DDX4: variants seen among roughly 807,000 people sequenced by gnomAD.
The protein encoded by DDX4 is DEAD-box helicase 4.
Under a neutral mutation model 100.0 loss-of-function variants are expected in DDX4, and 25 were observed. The observed-to-expected ratio is 0.25, with a 90% confidence interval of 0.18 to 0.35. The LOEUF (loss-of-function observed/expected upper bound fraction) is 0.35. Among genes scored for constraint, DDX4 ranks in the 10% least tolerant of loss-of-function variants. The pLI, the probability that DDX4 is intolerant of heterozygous loss-of-function variation, is 1.00. For synonymous variants in DDX4, 259 were observed against 275.7 expected (o/e 0.94, Z 0.60); for missense variants, 635 against 882.4 (o/e 0.72, Z 3.55).
intron 18 of DDX4, among the ~76,000 whole-genome samples, chr5:55,807,772 A>G (rs1743836800): frequency 6.6e-6 from 1 of 151,994 alleles, no homozygotes; most frequent in African/African-American, 2.4e-5. Context: ...CCTTCATTTC[A>G]ACTTTGGTGA....
Position 55,741,400 on chromosome 5 carries a change from G to A in DDX4, c.69+2368G>A, listed in dbSNP as rs7735673. Among the ~76,000 whole-genome samples the A allele has an allele frequency of 8.1e-3, 1,235 of 152,276 alleles. 23 individuals are homozygous for A. Among genetic ancestry groups the A allele is most frequent in the East Asian group, 0.062 (322 of 5,184 alleles). ...CATTTGTCTGCAAACTTAACACCTG[G>A]TGTTGTGCTGGTTGTGCCATTAGTT... On this transcript the variant is annotated intron_variant, in intron 2 of 21. Transcript: ENST00000505374.
In DDX4 at chr5:55,798,467, C is replaced by T. The variant is rs755985168; in HGVS notation, c.1511C>T (p.Ala504Val). The T allele has an allele frequency of 1.9e-6, 3 of 1,612,502 alleles. No homozygotes were observed. In the African/African-American group the frequency reaches 4.0e-5, roughly 22 times the overall value. The change falls in exon 18 of 22, where the codon GCT becomes GTT. Residue 504 changes from alanine to valine, a missense_variant. Ala to Val is a moderately conservative substitution (Grantham distance 64). Around this residue, in one of 4 missense-constraint regions of DDX4, gnomAD observed 115 missense variants for 224.7 expected, o/e 0.51. Transcript: ENST00000505374. ...EFLKSNYLFV[A>V]VGQVGGACRD... ...TTAAAGTCAAATTATCTGTTTGTTG[C>T]TGTTGGACAAGTGGGTGGAGCATGT... is the stretch of plus-strand genomic sequence containing the variant.
At chr5:55,762,891 T>C (rs1234247739) in intron 4 of DDX4, among the ~76,000 whole-genome samples, 1 of 152,138 alleles carries the variant, frequency 6.6e-6, no homozygotes, top group Non-Finnish European at 1.5e-5. Context: ...ATTCAACATA[T>C]AGAAAACTAT....
chr5:55,807,924 C>G (rs946226103), intron 18 of DDX4, among the ~76,000 whole-genome samples: 2 of 152,188 alleles, frequency 1.3e-5, no homozygotes, highest in Non-Finnish European at 2.9e-5. Flanking sequence ...TTCCAACTTT[C>G]TTCCATTCTC....
intron 16 of DDX4, among the ~76,000 whole-genome samples, chr5:55,791,656 T>C (rs1742569496): frequency 6.6e-6 from 1 of 152,200 alleles, no homozygotes; most frequent in Admixed American, 6.5e-5. Flanking sequence ...AGTCTAACTT[T>C]ATCAAATACT....
intron 3 of DDX4, among the ~76,000 whole-genome samples, chr5:55,749,661 C>CAATATAGAAG (rs1759432927): frequency 1.3e-5 from 2 of 152,098 alleles, no homozygotes; most frequent in Admixed American, 1.3e-4. Flanking sequence ...CCCACTCTGT[C>CAATATAGAAG]CTCACTATAT....
chr5:55,773,116 C>G (rs1741352069), intron 7 of DDX4: 1 of 152,596 alleles, frequency 6.6e-6, no homozygotes, highest in Non-Finnish European at 1.5e-5. Flanking sequence ...ATCAAGGCAC[C>G]AGCAGATTCA....
chr5:55,763,149 G>T, intron 4 of DDX4, 26 bp from the exon 5 acceptor site: 1 of 1,441,706 alleles, frequency 6.9e-7, no homozygotes. Context: ...ATATGTTAAA[G>T]AGTTTAACTG....
At chr5:55,783,798 C>G (rs1292442718) in intron 10 of DDX4, among the ~76,000 whole-genome samples, 1 of 151,106 alleles carries the variant, frequency 6.6e-6, no homozygotes. Flanking sequence ...CCAGGGAAAC[C>G]AGTAGTATTG....
intron 3 of DDX4, among the ~76,000 whole-genome samples, chr5:55,754,653 G>T (rs1759814143): frequency 6.6e-6 from 1 of 151,588 alleles, no homozygotes; most frequent in African/African-American, 2.4e-5. Context: ...TTGTGTCTCT[G>T]CCTGGCTTTG....
chr5:55,787,206 A>T (rs1424345542), intron 14 of DDX4, among the ~76,000 whole-genome samples: 1 of 152,232 alleles, frequency 6.6e-6, no homozygotes, highest in Non-Finnish European at 1.5e-5. Context: ...CATAGAGTCC[A>T]TGAGGTCATA....
At chr5:55,770,578 T>G (rs1330737776) in intron 7 of DDX4, among the ~76,000 whole-genome samples, 2 of 152,342 alleles carry the variant, frequency 1.3e-5, no homozygotes, top group African/African-American at 2.4e-5. Context: ...TTTTATTGTT[T>G]GGAACTACAT....
At chr5:55,744,138 T>A (rs181522575) in intron 2 of DDX4, among the ~76,000 whole-genome samples, 161 of 152,288 alleles carry the variant, frequency 1.1e-3, no homozygotes, top group African/African-American at 3.5e-3. Flanking sequence ...GGAAAAATGT[T>A]TGGATGACTC....
chr5:55,813,314 C>CA (rs1744220743), intron 18 of DDX4, among the ~76,000 whole-genome samples: 1 of 151,948 alleles, frequency 6.6e-6, no homozygotes, highest in Admixed American at 6.6e-5. Context: ...AGGTAGACAG[C>CA]AAAAAACATT....
At chr5:55,809,515 A>G (rs1444633757) in intron 18 of DDX4, among the ~76,000 whole-genome samples, 2 of 152,262 alleles carry the variant, frequency 1.3e-5, no homozygotes, top group African/African-American at 2.4e-5. Flanking sequence ...ATGAGCAGAT[A>G]TAATTTTTCA....
At chr5:55,809,276 T>C (rs76950285) in intron 18 of DDX4, among the ~76,000 whole-genome samples, 1 of 152,226 alleles carries the variant, frequency 6.6e-6, no homozygotes, top group Non-Finnish European at 1.5e-5. Context: ...GGTGAGGCGA[T>C]GCCTGGCCGT....
intron 7 of DDX4, among the ~76,000 whole-genome samples, chr5:55,771,200 A>G (rs1380332051): frequency 6.6e-6 from 1 of 152,196 alleles, no homozygotes; most frequent in African/African-American, 2.4e-5. Context: ...ATGTTTCACA[A>G]ACTGAACTCA....
At chr5:55,803,203 T>C (rs1561514223) in intron 18 of DDX4, among the ~76,000 whole-genome samples, 1 of 149,092 alleles carries the variant, frequency 6.7e-6, no homozygotes, top group Non-Finnish European at 1.5e-5. Context: ...GTGGTGTTTG[T>C]TTTTTTGTCC....
At chr5:55,746,088 T>A in intron 2 of DDX4, 76 bp from the exon 3 acceptor site, 1 of 1,135,268 alleles carries the variant, frequency 8.8e-7, no homozygotes, top group Non-Finnish European at 1.3e-6. Flanking sequence ...TGTTATAATT[T>A]TCTAGTATTT....
Sources: gnomAD v4.1 joint callset for allele counts (sites outside exome capture counted in the v4.1 genomes callset) on GRCh38, gnomAD v4.1.1 for gene constraint, gnomAD v4.1.1 regional missense constraint, MANE v1.5 for transcripts, NCBI Gene and HGNC (gene_info 2026-07-23, HGNC 2026-07-21) for gene names.